The following PKD1L1 variants were observed in gnomAD, a reference collection of about 807,000 sequenced individuals.
PKD1L1 encodes the protein polycystin 1 like 1, transient receptor potential channel interacting.
Under a neutral mutation model 323.4 loss-of-function variants are expected in PKD1L1, and 236 were observed. The observed-to-expected ratio is 0.73, with a 90% CI of 0.66 to 0.81. The LOEUF is 0.81. PKD1L1 is among the 40% of genes least tolerant of loss of function. The probability of loss-of-function intolerance (pLI) is 0.00; values close to 1 mark genes in which losing one functional copy is unlikely to be tolerated. For missense variants in PKD1L1, 3,320 were observed against 3,508.0 expected (o/e 0.95, Z 1.35); for synonymous variants, 1,344 against 1,335.0 (o/e 1.01, Z -0.15).
chr7:47,902,069 A>AAAAGT (rs771109921), intron 13 of PKD1L1, among the ~76,000 whole-genome samples: 4 of 152,152 alleles, frequency 2.6e-5, no homozygotes, highest in Non-Finnish European at 5.9e-5. Context: ...AAAAGAAAAG[A>AAAAGT]AAAGAGCTCC....
chr7:47,947,192 A>G (rs1788114721), intron 1 of PKD1L1, among the ~76,000 whole-genome samples: 1 of 152,278 alleles, frequency 6.6e-6, no homozygotes, highest in South Asian at 2.1e-4. Context: ...CAACACGTGC[A>G]GCCTCATTTT....
At chr7:47,789,162 T>C (rs960433582) in intron 56 of PKD1L1, among the ~76,000 whole-genome samples, 1 of 152,198 alleles carries the variant, frequency 6.6e-6, no homozygotes, top group African/African-American at 2.4e-5. Context: ...AGTTTGAAGG[T>C]CGTTCTGGAC....
Position 47,853,246 on chromosome 7 carries a change from A to G in PKD1L1, c.4860-19T>C, listed in dbSNP as rs745672341. Reference sequence around the variant, plus strand: ...AGAGAATCTAGGAGATAAAAACAAAATAGGGATTTCTCATTTTTTTCTTCT... The same window carrying G: ...AGAGAATCTAGGAGATAAAAACAAAGTAGGGATTTCTCATTTTTTTCTTCT... On this transcript the variant is annotated intron_variant, in intron 30 of 56. Coordinates refer to ENST00000289672, the MANE Select transcript of PKD1L1 (RefSeq NM_138295.5). 5.3e-6 allele frequency: 8 copies of G among 1,507,340 alleles called. No individual in the cohort carries two copies. Among genetic ancestry groups the G allele is most frequent in the South Asian group, 1.1e-5 (1 of 88,110 alleles). 93.4% of individuals were successfully genotyped at this position (1,507,340 alleles called of 1,614,324 possible).
At chr7:47,880,899 C>T (rs1786539062) in intron 20 of PKD1L1, 94 bp from the exon 21 acceptor site, 1 of 969,844 alleles carries the variant, frequency 1.0e-6, no homozygotes. Flanking sequence ...CACTCTTCCC[C>T]CAGGGGTGAA....
chr7:47,880,284 A>ATATATATATAT (rs1225214936), intron 21 of PKD1L1, among the ~76,000 whole-genome samples: 6 of 56,780 alleles, frequency 1.1e-4, no homozygotes, highest in Non-Finnish European at 1.7e-4. Context: ...ATATATATAT[A>ATATATATATAT]TTTTTTTTTT....
At chr7:47,864,576 T>TTTTCTTTTCTTTCTTTC (rs1786107073) in intron 26 of PKD1L1, among the ~76,000 whole-genome samples, 2 of 107,520 alleles carry the variant, frequency 1.9e-5, no homozygotes, top group African/African-American at 3.6e-5. Flanking sequence ...TTTTTCTTTC[T>TTTTCTTTTCTTTCTTTC]TTTCTTTCTT....
Position 47,808,251 on chromosome 7 carries a change from T to C in PKD1L1, c.7823A>G (p.Asn2608Ser), listed in dbSNP as rs1207691184. The change falls in exon 52 of 57, where the codon AAT (asparagine) becomes AGT (serine). Residue 2608 changes from asparagine to serine, a missense_variant. Asn to Ser is a conservative substitution (Grantham distance 46). Transcript: ENST00000289672. ...GGCCCTGAGCACACCGTGTACCTGA[T>C]TCCATGATGCCATAAGGGTGAGGTC... ...FMDLTLMASW[N>S]QRARWLRGIL... The C allele has an allele frequency of 4.3e-6, 7 of 1,614,134 alleles. No individual in the cohort carries two copies. The highest frequency in any genetic ancestry group is 1.7e-4 in the Middle Eastern group (1 of 6,060).
intron 1 of PKD1L1, among the ~76,000 whole-genome samples, chr7:47,944,998 A>G (rs1788066777): frequency 6.6e-6 from 1 of 152,146 alleles, no homozygotes; most frequent in Non-Finnish European, 1.5e-5. Context: ...CCAAGTTCCC[A>G]GCTCCATATA....
intron 32 of PKD1L1, 130 bp downstream of exon 32, chr7:47,846,749 T>C (rs1171504241): frequency 2.5e-6 from 2 of 808,882 alleles, no homozygotes; most frequent in Non-Finnish European, 3.8e-6. Context: ...GCTGGAGAGT[T>C]GTACAAACCA....
In PKD1L1 at chr7:47,921,050, A is replaced by AT. The variant is rs552170454; in HGVS notation, c.1061-5452dup. On this transcript the variant is annotated intron_variant, in intron 7 of 56. Coordinates refer to ENST00000289672, the MANE Select transcript of PKD1L1 (RefSeq NM_138295.5). ...AACAAAGATAAATAGTTGGGAGTTAATTAAACTAAAGAGATTTTGCATGGC... is the reference window on the plus strand; with the variant it reads ...AACAAAGATAAATAGTTGGGAGTTAATTTAAACTAAAGAGATTTTGCATGGC... Among the ~76,000 whole-genome samples the AT allele has an allele frequency of 2.4e-4, 37 of 152,318 alleles. No homozygotes were observed. The South Asian group carries it at 7.5e-3, about 31-fold the overall frequency.
intron 23 of PKD1L1, among the ~76,000 whole-genome samples, chr7:47,875,844 A>G (rs1786392409): frequency 1.3e-5 from 2 of 152,230 alleles, no homozygotes; most frequent in African/African-American, 4.8e-5. Context: ...TATATGAAAA[A>G]ACATTCTCTG....
intron 46 of PKD1L1, 151 bp from the exon 47 acceptor site, chr7:47,815,608 C>T (rs1023038154): frequency 2.2e-6 from 2 of 900,874 alleles, no homozygotes; most frequent in Admixed American, 2.6e-5. Flanking sequence ...CAGCGTGAAG[C>T]ATGAAACCCT....
intron 31 of PKD1L1, among the ~76,000 whole-genome samples, chr7:47,852,173 T>C (rs1248482685): frequency 6.6e-6 from 1 of 152,148 alleles, no homozygotes; most frequent in Non-Finnish European, 1.5e-5. Flanking sequence ...CCCACCCACA[T>C]GTGCACACCT....
chr7:47,829,782 C>T (rs1785307281), intron 43 of PKD1L1, among the ~76,000 whole-genome samples, 181 bp from the exon 44 acceptor site: 1 of 152,148 alleles, frequency 6.6e-6, no homozygotes, highest in Non-Finnish European at 1.5e-5. Context: ...GCCCAAGAGA[C>T]CTAAATTCTC....
chr7:47,891,251 G>C (rs1786810578), intron 15 of PKD1L1, among the ~76,000 whole-genome samples: 1 of 152,190 alleles, frequency 6.6e-6, no homozygotes, highest in South Asian at 2.1e-4. Context: ...TGAGGGGTCT[G>C]TGAGATGGAC....
chr7:47,852,174 G>A (rs2128740875), intron 31 of PKD1L1, among the ~76,000 whole-genome samples: 1 of 152,164 alleles, frequency 6.6e-6, no homozygotes, highest in Admixed American at 6.5e-5. Flanking sequence ...CCACCCACAT[G>A]TGCACACCTG....
At chr7:47,906,407 C>T (rs1354552895) in intron 9 of PKD1L1, among the ~76,000 whole-genome samples, 2 of 152,136 alleles carry the variant, frequency 1.3e-5, no homozygotes, top group African/African-American at 4.8e-5. Flanking sequence ...ACACACCATA[C>T]ACATACCACA....
chr7:47,927,865 C>T (rs907937332), intron 7 of PKD1L1, among the ~76,000 whole-genome samples: 12 of 152,198 alleles, frequency 7.9e-5, no homozygotes, highest in African/African-American at 2.9e-4. Flanking sequence ...ATGACATACA[C>T]ATGTAATTAT....
Position 47,929,432 on chromosome 7 carries a change from G to C in PKD1L1, c.832C>G (p.Pro278Ala), listed in dbSNP as rs760110741. The C allele has an allele frequency of 1.2e-6, 2 of 1,614,128 alleles. No homozygotes were observed. The highest frequency in any genetic ancestry group is 2.2e-5 in the East Asian group (1 of 44,876). The change falls in exon 7 of 57, where the codon CCT becomes GCT. Residue 278 changes from proline (P) to alanine (A), a missense_variant. Physicochemically the swap from Pro to Ala is conservative, Grantham distance 27. Coordinates refer to ENST00000289672, the MANE Select transcript of PKD1L1 (RefSeq NM_138295.5). ...EILYPPTQHP[P>A]VAILARNSDN... is the part of the protein sequence containing the mutation. ...GAATTTCGAGCTAGGATGGCCACAG[G>C]AGGATGCTGAGTAGGGGGATAGAGG...
Sources: allele counts gnomAD v4.1 joint callset (sites outside exome capture counted in the v4.1 genomes callset), GRCh38; gene constraint gnomAD v4.1.1; transcripts MANE v1.5; gene names NCBI Gene and HGNC (gene_info 2026-07-23, HGNC 2026-07-21).